Variants in INPP5A observed in about 807,000 individuals in gnomAD.
INPP5A encodes the protein 43 kDa inositol polyphosphate 5-phophatase.
A neutral mutation model predicts 65.2 loss-of-function variants in INPP5A; 14 were observed. That is an observed-to-expected ratio of 0.21 (90% CI 0.14 to 0.34). The LOEUF (loss-of-function observed/expected upper bound fraction) is 0.34, where lower values mean the gene tolerates loss of function less well. Ranked by LOEUF, INPP5A falls within the 10% of genes least tolerant of loss-of-function variation. The probability of loss-of-function intolerance (pLI) is 1.00; values close to 1 mark genes in which losing one functional copy is unlikely to be tolerated. For synonymous variants in INPP5A, 207 were observed against 208.3 expected, an observed-to-expected ratio of 0.99 and a Z score of 0.05; for missense variants, 431 against 545.6, an observed-to-expected ratio of 0.79 and a Z score of 2.09.
chr10:132,596,301 G>C (rs922042146), intron 1 of INPP5A, among the ~76,000 whole-genome samples: 5 of 152,230 alleles, frequency 3.3e-5, no homozygotes, highest in African/African-American at 9.6e-5. Context: ...CTCAATTAAA[G>C]GGTGTCGTGG....
chr10:132,629,877 G>A (rs2072241723), intron 2 of INPP5A, among the ~76,000 whole-genome samples: 1 of 152,154 alleles, frequency 6.6e-6, no homozygotes, highest in Non-Finnish European at 1.5e-5. Context: ...TGCCCTCCAG[G>A]GAAAGACAAT....
chr10:132,768,423 G>C (rs1057372013), intron 12 of INPP5A, among the ~76,000 whole-genome samples: 3 of 152,196 alleles, frequency 2.0e-5, no homozygotes, highest in African/African-American at 7.2e-5. Flanking sequence ...CCGACCCTCA[G>C]TGTTCCCAGG....
intron 8 of INPP5A, among the ~76,000 whole-genome samples, chr10:132,718,416 T>G (rs1845786634): frequency 6.7e-6 from 1 of 149,410 alleles, no homozygotes; most frequent in Non-Finnish European, 1.5e-5. Context: ...TCTTGCGGGT[T>G]CTGTGGTACC....
intron 1 of INPP5A, among the ~76,000 whole-genome samples, chr10:132,593,518 G>A (rs922764423): frequency 1.3e-5 from 2 of 152,160 alleles, no homozygotes; most frequent in African/African-American, 4.8e-5. Context: ...ATGACTTACA[G>A]GGCATGTCTA....
chr10:132,658,637 G>A (rs777977826), intron 4 of INPP5A, among the ~76,000 whole-genome samples: 8 of 152,122 alleles, frequency 5.3e-5, no homozygotes, highest in Admixed American at 2.6e-4. Context: ...TGAGTCCGCC[G>A]GCCCCCCGGG....
chr10:132,742,259 C>G (rs1227300586), intron 9 of INPP5A, among the ~76,000 whole-genome samples: 2 of 152,232 alleles, frequency 1.3e-5, no homozygotes, highest in African/African-American at 4.8e-5. Context: ...AGAACACACT[C>G]TGTGTTCCCC....
chr10:132,685,034 C>A (rs943557037), intron 4 of INPP5A, among the ~76,000 whole-genome samples: 2 of 152,112 alleles, frequency 1.3e-5, no homozygotes, highest in African/African-American at 2.4e-5. Flanking sequence ...TGAAGTTTTT[C>A]TTTCTGCTCC....
chr10:132,696,369 T>TGAA (rs1378168043), intron 5 of INPP5A, among the ~76,000 whole-genome samples: 1 of 152,226 alleles, frequency 6.6e-6, no homozygotes, highest in Non-Finnish European at 1.5e-5. Context: ...CCCAGAGTTT[T>TGAA]GAAGAAGAAG....
At chr10:132,539,519 G>A (rs1360248186) in intron 1 of INPP5A, among the ~76,000 whole-genome samples, 2 of 152,136 alleles carry the variant, frequency 1.3e-5, no homozygotes, top group African/African-American at 4.8e-5. Flanking sequence ...CCAGGGAGCT[G>A]AGGCCCAGGG....
chr10:132,613,662 C>G (rs986111053), intron 2 of INPP5A, among the ~76,000 whole-genome samples: 3 of 152,188 alleles, frequency 2.0e-5, no homozygotes, highest in Non-Finnish European at 4.4e-5. Flanking sequence ...AATCCCCACT[C>G]TCATGCTTGT....
Position 132,704,128 on chromosome 10 carries a change from A to C in INPP5A, c.475-4185A>C, listed in dbSNP as rs1267697548. Among the ~76,000 whole-genome samples the C allele has an allele frequency of 6.6e-6, 1 of 151,536 alleles. No homozygotes were observed. The highest frequency in any genetic ancestry group is 1.5e-5 in the Non-Finnish European group (1 of 67,898). The stretch of plus-strand genomic sequence containing the variant: ...GTTCCCAAAGCATGTCAGGCCCCCC[A>C]GTCCCCCCAGACAGGAGGTGTCGAG... On this transcript the variant is annotated intron_variant, in intron 6 of 15. Coordinates refer to ENST00000368594, the MANE Select transcript of INPP5A (RefSeq NM_005539.5). This position sits in a 1 kb window ranked among gnomAD's most constrained non-coding sequence, Gnocchi z 4.5.
intron 12 of INPP5A, among the ~76,000 whole-genome samples, chr10:132,775,387 C>G (rs768267532): frequency 6.6e-6 from 1 of 152,054 alleles, no homozygotes; most frequent in African/African-American, 2.4e-5. Context: ...GGCACTCCCA[C>G]GTCAGTCACT....
At chr10:132,611,544 G>A (rs1224643719) in intron 2 of INPP5A, among the ~76,000 whole-genome samples, 3 of 141,732 alleles carry the variant, frequency 2.1e-5, no homozygotes, top group Non-Finnish European at 4.6e-5. Context: ...TGTCAGGGGA[G>A]GGTGAGGGAG....
intron 6 of INPP5A, among the ~76,000 whole-genome samples, chr10:132,703,257 T>TG (rs1436012581): frequency 6.6e-6 from 1 of 152,142 alleles, no homozygotes; most frequent in East Asian, 1.9e-4. Flanking sequence ...TCTGGGCTCT[T>TG]GCGGTCGTTG....
chr10:132,736,630 G>T (rs570884387), intron 9 of INPP5A, among the ~76,000 whole-genome samples: 11 of 152,372 alleles, frequency 7.2e-5, no homozygotes, highest in Admixed American at 5.9e-4. Flanking sequence ...CAAAGGCTGT[G>T]TCTGCCGTTC....
intron 1 of INPP5A, among the ~76,000 whole-genome samples, chr10:132,600,913 C>A (rs1445422823): frequency 6.6e-6 from 1 of 152,218 alleles, no homozygotes; most frequent in Non-Finnish European, 1.5e-5. Context: ...CCCCCTGGGT[C>A]CCTCCCACAA....
At chr10:132,781,055 G>A in intron 14 of INPP5A, 138 bp downstream of exon 14, 1 of 670,572 alleles carries the variant, frequency 1.5e-6, no homozygotes. Flanking sequence ...CTCCTCTCCT[G>A]TTCTCCTGTC....
intron 2 of INPP5A, among the ~76,000 whole-genome samples, chr10:132,631,191 C>T (rs191722132): frequency 7.2e-5 from 11 of 152,264 alleles, no homozygotes; most frequent in African/African-American, 1.7e-4. Flanking sequence ...GTGTGCAGGG[C>T]GGAGAGAAGA....
At position 132,575,879 on chromosome 10, in the gene INPP5A, C is replaced by T. The variant is rs1268738538; in HGVS notation, c.76-32036C>T. Among the ~76,000 whole-genome samples, 6 of 152,276 alleles carry T rather than the reference C, an allele frequency of 3.9e-5. No individual in the cohort carries two copies. The highest frequency in any genetic ancestry group is 4.2e-4 in the South Asian group (2 of 4,818). On this transcript the variant is annotated intron_variant, in intron 1 of 15. Transcript: ENST00000368594. The surrounding 1 kb of genome is among the most constrained non-coding windows in gnomAD (Gnocchi z 5.4). Reference sequence around the variant, plus strand: ...ATTGTTTGCTTCTCACACTCCCTGCCAAAGGACCTGCTTGATGCCACTGAC... The same window carrying T: ...ATTGTTTGCTTCTCACACTCCCTGCTAAAGGACCTGCTTGATGCCACTGAC...
Sources: gnomAD v4.1 joint callset for allele counts (sites outside exome capture counted in the v4.1 genomes callset) on GRCh38, gnomAD v4.1.1 for gene constraint, Gnocchi (gnomAD v3.1) non-coding constraint, MANE v1.5 for transcripts, NCBI Gene and HGNC (gene_info 2026-07-23, HGNC 2026-07-21) for gene names.